The following CERS6 variants were observed in gnomAD, a reference collection of about 807,000 sequenced individuals.
CERS6 encodes LAG1 homolog, ceramide synthase 6.
CERS6 carries 26 observed loss-of-function variants against 56.8 expected under a neutral mutation model. The observed-to-expected ratio is 0.46, with a 90% CI of 0.34 to 0.63. CERS6 has a LOEUF of 0.63. CERS6 is among the 30% of genes least tolerant of loss of function. The pLI, the probability that CERS6 is intolerant of heterozygous loss-of-function variation, is 0.01. For synonymous variants in CERS6, 164 were observed against 173.3 expected, an observed-to-expected ratio of 0.95 and a Z score of 0.42; for missense variants, 415 against 467.5, an observed-to-expected ratio of 0.89 and a Z score of 1.04.
chr2:168,725,217 C>T lies in CERS6; in HGVS notation c.845+7239C>T, dbSNP rs541501677. Among the ~76,000 whole-genome samples, 19 of 152,400 alleles carry T rather than the reference C, an allele frequency of 1.2e-4. No individual in the cohort carries two copies. The East Asian group carries it at 3.3e-3, about 26-fold the overall frequency. Reference sequence around the variant, plus strand: ...GTGCAGGGCCCGCCAAGCCCACGCCCACCCGGAACTCCAGCTGGCCTGCAA... The same window carrying T: ...GTGCAGGGCCCGCCAAGCCCACGCCTACCCGGAACTCCAGCTGGCCTGCAA... On this transcript the variant is annotated intron_variant, in intron 8 of 9. Coordinates refer to ENST00000305747, the MANE Select transcript of CERS6 (RefSeq NM_203463.3).
intron 1 of CERS6, among the ~76,000 whole-genome samples, chr2:168,483,837 A>G (rs1372618965): frequency 6.6e-6 from 1 of 152,212 alleles, no homozygotes; most frequent in Non-Finnish European, 1.5e-5. Context: ...CTTAAATTTC[A>G]CTGGGCATCA....
intron 3 of CERS6, among the ~76,000 whole-genome samples, chr2:168,587,985 G>C (rs189126224): frequency 0.01 from 1,526 of 152,106 alleles, 7 homozygotes; most frequent in Non-Finnish European, 0.018. Flanking sequence ...GGAATGCAGT[G>C]GCGCAGTTAT....
At chr2:168,519,272 A>G (rs999996187) in intron 1 of CERS6, among the ~76,000 whole-genome samples, 1 of 152,198 alleles carries the variant, frequency 6.6e-6, no homozygotes, top group Non-Finnish European at 1.5e-5. Flanking sequence ...ATACTCTGCC[A>G]TATATAGAAA....
chr2:168,660,864 C>A (rs1685611031), intron 4 of CERS6, among the ~76,000 whole-genome samples: 1 of 152,144 alleles, frequency 6.6e-6, no homozygotes, highest in African/African-American at 2.4e-5. Flanking sequence ...GAAGCAATTT[C>A]CATATTGATC....
intron 1 of CERS6, among the ~76,000 whole-genome samples, chr2:168,528,638 G>T (rs1475463580): frequency 1.0e-4 from 1 of 9,604 alleles, no homozygotes; most frequent in Non-Finnish European, 5.6e-4. Context: ...GGCAGAAGTT[G>T]TAGAAGAACT....
intron 1 of CERS6, among the ~76,000 whole-genome samples, chr2:168,542,311 C>T (rs1040465385): frequency 2.6e-4 from 39 of 152,308 alleles, no homozygotes; most frequent in Non-Finnish European, 4.9e-4. Context: ...ACCCAGTTAC[C>T]TATAATGGTA....
intron 1 of CERS6, among the ~76,000 whole-genome samples, chr2:168,490,271 G>A (rs1207833366): frequency 1.3e-5 from 2 of 152,034 alleles, no homozygotes; most frequent in Non-Finnish European, 2.9e-5. Context: ...CTTTCTCTCC[G>A]TGATTCCCCC....
At chr2:168,482,578 G>A (rs1169879802) in intron 1 of CERS6, among the ~76,000 whole-genome samples, 2 of 152,236 alleles carry the variant, frequency 1.3e-5, no homozygotes, top group Admixed American at 1.3e-4. Context: ...GATTTCAACT[G>A]CGTCAGCTTC....
chr2:168,617,614 G>A (rs548372846), intron 3 of CERS6, among the ~76,000 whole-genome samples: 99 of 151,934 alleles, frequency 6.5e-4, no homozygotes, highest in Non-Finnish European at 1.1e-3. Flanking sequence ...CTCTACACCC[G>A]TAAACCAGAA....
At chr2:168,631,681 A>G (rs1684740220) in intron 4 of CERS6, among the ~76,000 whole-genome samples, 1 of 114,458 alleles carries the variant, frequency 8.7e-6, no homozygotes, top group Admixed American at 1.2e-4. Flanking sequence ...ATTTATATTT[A>G]TATTTATATA....
intron 1 of CERS6, among the ~76,000 whole-genome samples, chr2:168,492,150 G>A (rs1234119681): frequency 2.0e-5 from 3 of 152,122 alleles, no homozygotes; most frequent in African/African-American, 7.2e-5. Flanking sequence ...TGGGATTGCT[G>A]GGTCAAATGG....
chr2:168,493,154 G>T (rs1008100857), intron 1 of CERS6, among the ~76,000 whole-genome samples: 2 of 151,990 alleles, frequency 1.3e-5, no homozygotes, highest in African/African-American at 4.8e-5. Flanking sequence ...TTTGAAACTG[G>T]ATGTTTTGGT....
chr2:168,689,770 C>T (rs1177800677), intron 4 of CERS6, among the ~76,000 whole-genome samples: 1 of 152,044 alleles, frequency 6.6e-6, no homozygotes, highest in East Asian at 1.9e-4. Flanking sequence ...ATGAATAGTG[C>T]TTGAATGAAA....
chr2:168,757,274 A>G (rs1438496327), intron 8 of CERS6, among the ~76,000 whole-genome samples: 2 of 151,700 alleles, frequency 1.3e-5, no homozygotes, highest in Non-Finnish European at 2.9e-5. Flanking sequence ...GGAGGTCAGG[A>G]GCGTAGGTAA....
intron 4 of CERS6, among the ~76,000 whole-genome samples, chr2:168,672,559 T>TG (rs1212038563): frequency 6.6e-6 from 1 of 152,254 alleles, no homozygotes; most frequent in East Asian, 1.9e-4. Flanking sequence ...GGTTGGTCAG[T>TG]GGTAGACTGT....
At chr2:168,622,912 G>A (rs1214606263) in intron 3 of CERS6, among the ~76,000 whole-genome samples, 2 of 152,130 alleles carry the variant, frequency 1.3e-5, no homozygotes, top group African/African-American at 4.8e-5. Context: ...AAGCTTGAAA[G>A]CTACTCTAGA....
intron 1 of CERS6, among the ~76,000 whole-genome samples, chr2:168,516,469 CTAAA>C (rs1450616684): frequency 3.9e-5 from 6 of 152,116 alleles, no homozygotes; most frequent in Non-Finnish European, 7.4e-5. Flanking sequence ...TAGAGCAAGA[CTAAA>C]TGAATCTCAG....
At chr2:168,643,301 A>G (rs978764253) in intron 4 of CERS6, among the ~76,000 whole-genome samples, 2 of 152,354 alleles carry the variant, frequency 1.3e-5, no homozygotes, top group African/African-American at 2.4e-5. Flanking sequence ...ACCAAATGCT[A>G]TGGGATACAA....
intron 3 of CERS6, among the ~76,000 whole-genome samples, chr2:168,607,530 T>C (rs1259908102): frequency 6.6e-6 from 1 of 152,112 alleles, no homozygotes; most frequent in African/African-American, 2.4e-5. Context: ...TACAGACACA[T>C]GCCACTATGC....
Sources: allele counts gnomAD v4.1 joint callset (sites outside exome capture counted in the v4.1 genomes callset), GRCh38; gene constraint gnomAD v4.1.1; transcripts MANE v1.5; gene names NCBI Gene and HGNC (gene_info 2026-07-23, HGNC 2026-07-21).